The following PLSCR2 variants were observed in gnomAD, a reference collection of about 807,000 sequenced individuals.
The protein encoded by PLSCR2 is PL scramblase 2.
Under a neutral mutation model 25.3 loss-of-function variants are expected in PLSCR2, and 18 were observed. The observed-to-expected ratio is 0.71, with a 90% CI of 0.49 to 1.06. PLSCR2 has a LOEUF of 1.06. Ranked by LOEUF, PLSCR2 falls within the 50% of genes least tolerant of loss-of-function variation. PLSCR2 has a pLI of 0.00. For missense variants in PLSCR2, 243 were observed against 269.5 expected, an observed-to-expected ratio of 0.90 and a Z score of 0.69; for synonymous variants, 88 against 87.3, an observed-to-expected ratio of 1.01 and a Z score of -0.04.
intron 1 of PLSCR2, among the ~76,000 whole-genome samples, chr3:146,490,071 GATA>G (rs1271888705): frequency 2.0e-5 from 3 of 151,948 alleles, no homozygotes; most frequent in Non-Finnish European, 4.4e-5. Flanking sequence ...ACCATATGTT[GATA>G]ATAATTTTGA....
intron 1 of PLSCR2, among the ~76,000 whole-genome samples, chr3:146,468,091 A>C (rs1325772003): frequency 6.6e-6 from 1 of 152,220 alleles, no homozygotes; most frequent in Non-Finnish European, 1.5e-5. Flanking sequence ...ATGAGTGTAC[A>C]GTATTATTTT....
At chr3:146,439,158 G>A (rs1168141193), downstream of PLSCR2, among the ~76,000 whole-genome samples, 1 of 152,128 alleles carries the variant, frequency 6.6e-6, no homozygotes, top group Non-Finnish European at 1.5e-5. Context: ...TTAGTCTGAT[G>A]GGCTTCCCTT....
At chr3:146,455,392 A>C in exon 4 of PLSCR2, 2 of 1,613,806 alleles carry the variant, frequency 1.2e-6, no homozygotes, top group Non-Finnish European at 1.7e-6. Flanking sequence ...CTTCTGCTGC[A>C]AAATAAATCC....
intron 2 of PLSCR2, among the ~76,000 whole-genome samples, chr3:146,404,343 A>C (rs1018319536): frequency 7.2e-5 from 11 of 152,326 alleles, no homozygotes; most frequent in Admixed American, 2.6e-4. Flanking sequence ...TAAGAGAAGG[A>C]AGGAAGGGGT....
At chr3:146,485,210 T>A (rs565522946) in intron 1 of PLSCR2, among the ~76,000 whole-genome samples, 1 of 151,860 alleles carries the variant, frequency 6.6e-6, no homozygotes, top group Non-Finnish European at 1.5e-5. Flanking sequence ...AGGAGGACAT[T>A]ACATAATGGT....
intron 3 of PLSCR2, 31 bp downstream of exon 3, chr3:146,458,380 T>C: frequency 6.8e-7 from 1 of 1,472,556 alleles, no homozygotes; most frequent in African/African-American, 1.4e-5. Flanking sequence ...CTTCTCTTTT[T>C]AGAACTATGA....
At chr3:146,401,617 A>G (rs2038476128) in intron 2 of PLSCR2, 1 of 152,586 alleles carries the variant, frequency 6.6e-6, no homozygotes, top group Admixed American at 6.5e-5. Flanking sequence ...ATGTATGTAA[A>G]CAGGTATCAA....
chr3:146,447,041 G>A (rs2040594113), intron 6 of PLSCR2, among the ~76,000 whole-genome samples: 1 of 152,150 alleles, frequency 6.6e-6, no homozygotes, highest in East Asian at 1.9e-4. Context: ...GTGCTCTTCG[G>A]TCAGCTTGTG....
intron 4 of PLSCR2, 43 bp from the exon 5 acceptor site, chr3:146,454,206 TA>T (rs2041068069): frequency 7.6e-7 from 1 of 1,318,464 alleles, no homozygotes; most frequent in Non-Finnish European, 1.0e-6. Context: ...ATCATCATAA[TA>T]AAAATATCTA....
intron 2 of PLSCR2, among the ~76,000 whole-genome samples, chr3:146,420,578 T>C (rs1475330746): frequency 1.3e-5 from 2 of 152,082 alleles, no homozygotes; most frequent in Non-Finnish European, 2.9e-5. Flanking sequence ...AATTGTTTTC[T>C]CAAAGAATCT....
At chr3:146,495,487 G>T (rs962831469) in intron 1 of PLSCR2, among the ~76,000 whole-genome samples, 1 of 152,128 alleles carries the variant, frequency 6.6e-6, no homozygotes, top group Non-Finnish European at 1.5e-5. Context: ...AGGAAGTAGG[G>T]CTTTTGGAAG....
intron 1 of PLSCR2, among the ~76,000 whole-genome samples, chr3:146,488,336 A>C (rs796316666): frequency 5.0e-4 from 76 of 152,288 alleles, no homozygotes; most frequent in African/African-American, 1.2e-3. Flanking sequence ...ACGGGACTTA[A>C]TTAAACTAAG....
intron 5 of PLSCR2, among the ~76,000 whole-genome samples, chr3:146,453,312 A>C (rs1365629088): frequency 6.6e-6 from 1 of 151,924 alleles, no homozygotes. Flanking sequence ...AAATTTTCTG[A>C]TTTTCCAAGA....
intron 2 of PLSCR2, among the ~76,000 whole-genome samples, chr3:146,399,804 C>A (rs1459804916): frequency 6.7e-6 from 1 of 150,160 alleles, no homozygotes; most frequent in East Asian, 1.9e-4. Flanking sequence ...CTCCTTCCTT[C>A]CTTCTTTCCT....
intron 2 of PLSCR2, among the ~76,000 whole-genome samples, chr3:146,423,234 CCTCTCTCT>C (rs200145864): frequency 0.026 from 1,394 of 53,460 alleles, 34 homozygotes; most frequent in Middle Eastern, 0.07. Flanking sequence ...CCTTGCAGTG[CCTCTCTCT>C]CTCTCTCTCT....
exon 2 of PLSCR2, chr3:146,459,861 T>C (rs2041461724): frequency 6.2e-7 from 1 of 1,612,334 alleles, no homozygotes; most frequent in African/African-American, 1.3e-5. Context: ...ACTTAAGTAT[T>C]CCAATCCTGG....
At chr3:146,490,626 T>C (rs1037979848) in intron 1 of PLSCR2, among the ~76,000 whole-genome samples, 4 of 152,130 alleles carry the variant, frequency 2.6e-5, no homozygotes, top group Non-Finnish European at 5.9e-5. Flanking sequence ...TTTGACTTTT[T>C]AGGTTATTTA....
At chr3:146,462,952 A>G (rs1181847163), upstream of PLSCR2, among the ~76,000 whole-genome samples, 2 of 152,194 alleles carry the variant, frequency 1.3e-5, no homozygotes, top group Non-Finnish European at 2.9e-5. Flanking sequence ...GGAATGGTTC[A>G]GCTAAAGAGC....
chr3:146,449,313 C>T (rs2108308861), exon 6 of PLSCR2: 2 of 1,610,002 alleles, frequency 1.2e-6, no homozygotes, highest in East Asian at 4.5e-5. Flanking sequence ...CTTAAAAACC[C>T]AGACCAGTGC....
Sources: gnomAD v4.1 joint callset for allele counts (sites outside exome capture counted in the v4.1 genomes callset) on GRCh38, gnomAD v4.1.1 for gene constraint, MANE v1.5 for transcripts, NCBI Gene and HGNC (gene_info 2026-07-23, HGNC 2026-07-21) for gene names.